Variants in SPAG16 observed in about 807,000 individuals in gnomAD.
The protein encoded by SPAG16 is sperm associated antigen 16, also known as sperm-associated antigen 16 protein.
Under a neutral mutation model 80.4 loss-of-function variants are expected in SPAG16, and 86 were observed. That is an observed-to-expected ratio of 1.07 (90% CI 0.90 to 1.28). SPAG16 has a LOEUF of 1.28. Among genes scored for constraint, SPAG16 ranks in the 50% most tolerant of loss-of-function variants. The pLI is 0.00. For synonymous variants in SPAG16, 294 were observed against 265.9 expected, an observed-to-expected ratio of 1.11 and a Z score of -1.03; for missense variants, 870 against 765.3, an observed-to-expected ratio of 1.14 and a Z score of -1.61.
intron 10 of SPAG16, among the ~76,000 whole-genome samples, chr2:213,586,406 TA>T (rs1312550150): frequency 6.6e-6 from 1 of 152,208 alleles, no homozygotes; most frequent in African/African-American, 2.4e-5. Context: ...TATCTAGCAC[TA>T]ATCCCATTCA....
At chr2:214,179,056 A>G (rs2057225432) in intron 15 of SPAG16, among the ~76,000 whole-genome samples, 1 of 151,416 alleles carries the variant, frequency 6.6e-6, no homozygotes, top group African/African-American at 2.4e-5. Flanking sequence ...AAATATTGCC[A>G]AACTCTAATC....
intron 10 of SPAG16, among the ~76,000 whole-genome samples, chr2:213,689,242 G>A (rs1337600725): frequency 1.3e-5 from 2 of 152,322 alleles, no homozygotes; most frequent in East Asian, 3.9e-4. Context: ...ACAGGCATGA[G>A]CCACTGCTCC....
chr2:213,933,073 A>G (rs2106258548), intron 12 of SPAG16, among the ~76,000 whole-genome samples: 1 of 152,260 alleles, frequency 6.6e-6, no homozygotes, highest in Non-Finnish European at 1.5e-5. Context: ...TAAATATGGC[A>G]AAAGTATTCT....
intron 11 of SPAG16, among the ~76,000 whole-genome samples, chr2:213,902,531 G>A (rs990669254): frequency 1.3e-5 from 2 of 152,102 alleles, no homozygotes; most frequent in Non-Finnish European, 2.9e-5. Flanking sequence ...AGAACAGTAT[G>A]GGGGAACCAC....
At chr2:213,606,825 A>T (rs1300812351) in intron 10 of SPAG16, among the ~76,000 whole-genome samples, 1 of 152,222 alleles carries the variant, frequency 6.6e-6, no homozygotes, top group Non-Finnish European at 1.5e-5. Context: ...CAAAATGCAA[A>T]GCTTCATCTG....
intron 11 of SPAG16, among the ~76,000 whole-genome samples, chr2:213,872,385 A>G (rs950863233): frequency 6.6e-6 from 1 of 152,136 alleles, no homozygotes; most frequent in Non-Finnish European, 1.5e-5. Context: ...CAAAAAGAAA[A>G]CAAATACACT....
chr2:213,407,596 GGAGAGAGAGAGAGAGAGAGAGA>G (rs66674310), intron 9 of SPAG16, among the ~76,000 whole-genome samples: 12 of 102,016 alleles, frequency 1.2e-4, no homozygotes, highest in Non-Finnish European at 1.9e-4. Context: ...GAGAGAGACA[GGAGAGAGAGAGAGAGAGAGAGA>G]GAGAGAGAGA....
intron 10 of SPAG16, among the ~76,000 whole-genome samples, chr2:213,696,976 T>C (rs960143618): frequency 1.3e-5 from 2 of 152,076 alleles, no homozygotes; most frequent in African/African-American, 4.8e-5. Context: ...TAGAAACAAA[T>C]TGATGATGTA....
rs563915333 is a variant in SPAG16, at chr2:213,300,675, A to G, written c.279+3318A>G. Among the ~76,000 whole-genome samples the G allele has an allele frequency of 5.3e-5, 8 of 152,244 alleles. No individual in the cohort carries two copies. In the East Asian group the frequency reaches 1.5e-3, roughly 29 times the overall value. On this transcript the variant is annotated intron_variant, in intron 3 of 15. Transcript: ENST00000331683. ...TGGAAAATGTAGTTAGTTTTTATTAAAAAAATTCTGTCTATGTTATCTGTG... is the reference window on the plus strand; with the variant it reads ...TGGAAAATGTAGTTAGTTTTTATTAGAAAAATTCTGTCTATGTTATCTGTG...
chr2:213,296,195 A>G, intron 2 of SPAG16, 85 bp downstream of exon 2: 1 of 1,008,444 alleles, frequency 9.9e-7, no homozygotes, highest in South Asian at 1.4e-5. Flanking sequence ...TGAAACATGT[A>G]AGAACCATTC....
rs1330501935 is a variant in SPAG16, at chr2:213,928,340, C to A, written c.1215-1620C>A. ...ATCTCCTGACCTCATGATCTGCCCC[C>A]CTCGACCTCCCAAAGTGCTGGGATT... On this transcript the variant is annotated intron_variant, in intron 11 of 15. Coordinates refer to ENST00000331683, the MANE Select transcript of SPAG16 (RefSeq NM_024532.5). Among the ~76,000 whole-genome samples the A allele has an allele frequency of 2.6e-5, 4 of 151,920 alleles. No individual in the cohort carries two copies. The South Asian group carries it at 8.3e-4, about 32-fold the overall frequency.
chr2:214,341,578 T>C (rs182673825), intron 15 of SPAG16, among the ~76,000 whole-genome samples: 257 of 152,316 alleles, frequency 1.7e-3, no homozygotes, highest in Non-Finnish European at 2.8e-3. Flanking sequence ...GATGAGAGTC[T>C]TGAGTTCTCA....
chr2:213,608,349 G>A (rs917804456), intron 10 of SPAG16, among the ~76,000 whole-genome samples: 5 of 151,846 alleles, frequency 3.3e-5, no homozygotes, highest in East Asian at 1.9e-4. Flanking sequence ...AACAGTCCCC[G>A]GTGTGTGATG....
intron 12 of SPAG16, among the ~76,000 whole-genome samples, chr2:213,980,675 A>ATGTGTG (rs1559654007): frequency 9.8e-5 from 14 of 142,852 alleles, no homozygotes; most frequent in South Asian, 4.3e-4. Flanking sequence ...TATAGAATAT[A>ATGTGTG]TGTGTGTATA....
chr2:213,303,499 G>C (rs2062824885), intron 3 of SPAG16, among the ~76,000 whole-genome samples: 1 of 151,508 alleles, frequency 6.6e-6, no homozygotes, highest in Admixed American at 6.6e-5. Context: ...TACTCATTCT[G>C]ACTATATTTT....
intron 15 of SPAG16, among the ~76,000 whole-genome samples, chr2:214,259,737 A>C (rs976921502): frequency 6.6e-6 from 1 of 151,728 alleles, no homozygotes; most frequent in African/African-American, 2.4e-5. Flanking sequence ...TGTATTCCTA[A>C]ATTTGGTTGT....
intron 13 of SPAG16, among the ~76,000 whole-genome samples, chr2:214,093,441 T>A (rs1033132099): frequency 3.1e-4 from 47 of 150,628 alleles, no homozygotes; most frequent in African/African-American, 1.1e-3. Flanking sequence ...ATATATATAT[T>A]TCACTTGATT....
At position 214,011,345 on chromosome 2, in the gene SPAG16, T is replaced by C. The variant is rs914162235; in HGVS notation, c.1401-2606T>C. Among the ~76,000 whole-genome samples the C allele has an allele frequency of 4.1e-5, 6 of 146,430 alleles. 1 individual carries two copies. The highest frequency in any genetic ancestry group is 5.9e-5 in the Non-Finnish European group (4 of 67,278). On this transcript the variant is annotated intron_variant, in intron 12 of 15. Coordinates refer to ENST00000331683, the MANE Select transcript of SPAG16 (RefSeq NM_024532.5). ...TAATTTTTTAAAAGAAAATAACTTA[T>C]TCTGTAAGTTTTGGCACTCTCCTCA...
chr2:213,551,477 T>A (rs1331657614), intron 10 of SPAG16, among the ~76,000 whole-genome samples: 4 of 152,172 alleles, frequency 2.6e-5, no homozygotes, highest in African/African-American at 9.7e-5. Flanking sequence ...CAGTATTATT[T>A]TTAGGTTTTG....
Sources: allele counts gnomAD v4.1 joint callset (sites outside exome capture counted in the v4.1 genomes callset), GRCh38; gene constraint gnomAD v4.1.1; transcripts MANE v1.5; gene names NCBI Gene and HGNC (gene_info 2026-07-23, HGNC 2026-07-21).